The following ESR1 variants were observed in gnomAD, a reference collection of about 807,000 sequenced individuals.
ESR1 encodes the protein estrogen receptor 1, also known as estrogen receptor.
In ESR1, 12 loss-of-function variants were observed where a neutral mutation model predicts 52.7. The ratio of observed to expected loss-of-function variants is 0.23; its 90% CI spans 0.15 to 0.37. The LOEUF is 0.37. Among genes scored for constraint, ESR1 ranks in the 10% least tolerant of loss-of-function variants. The pLI is 1.00. For missense variants in ESR1, 584 were observed against 779.7 expected, an observed-to-expected ratio of 0.75 and a Z score of 2.99; for synonymous variants, 305 against 316.8, an observed-to-expected ratio of 0.96 and a Z score of 0.39.
chr6:152,081,470 A>G (rs1381241199), intron 6 of ESR1, among the ~76,000 whole-genome samples: 1 of 152,072 alleles, frequency 6.6e-6, no homozygotes, highest in Non-Finnish European at 1.5e-5. Flanking sequence ...GGACACATTT[A>G]AAGCAGTGTG....
In ESR1 at chr6:152,094,591, A is replaced by G. The variant is rs1331661758; in HGVS notation, c.1553+23A>G. ...GAGGTGAGGCATCTGTGGGCTTCCT[A>G]CAGGAGAGACATAAAGAAAACATGC... On this transcript the variant is annotated intron_variant, in intron 7 of 7. Coordinates refer to ENST00000206249, the MANE Select transcript of ESR1 (RefSeq NM_000125.4). The surrounding 1 kb of genome is among the most constrained non-coding windows in gnomAD (Gnocchi z 4.6). 1.2e-6 allele frequency: 2 copies of G among 1,609,996 alleles called. No homozygotes were observed. The highest frequency in any genetic ancestry group is 1.7e-5 in the Admixed American group (1 of 59,920).
chr6:151,827,617 C>T (rs1781727837), intron 1 of ESR1, among the ~76,000 whole-genome samples: 1 of 152,170 alleles, frequency 6.6e-6, no homozygotes, highest in Non-Finnish European at 1.5e-5. Flanking sequence ...TTTCCGTCTA[C>T]ACTTCCAAAG....
chr6:151,946,202 A>G (rs528013620), intron 4 of ESR1, among the ~76,000 whole-genome samples: 3 of 152,356 alleles, frequency 2.0e-5, no homozygotes, highest in Non-Finnish European at 2.9e-5. Flanking sequence ...TAATGGTCAT[A>G]TATTTGAGAG....
At chr6:151,721,698 A>C (rs1421460195) in intron 2 of ESR1, among the ~76,000 whole-genome samples, 2 of 152,228 alleles carry the variant, frequency 1.3e-5, no homozygotes, top group Non-Finnish European at 2.9e-5. Context: ...TGGGAGAATA[A>C]GATACTGTAT....
At position 152,100,243 on chromosome 6, in the gene ESR1, G is replaced by C. The variant is rs1220419598; in HGVS notation, c.*1277G>C. The C allele has an allele frequency of 2.5e-6, 1 of 395,496 alleles. No individual in the cohort carries two copies. Among genetic ancestry groups the C allele is most frequent in the Non-Finnish European group, 4.5e-6 (1 of 224,678 alleles). The allele number at this position is 395,496 out of a possible 1,614,324, so 24.5% of individuals were successfully genotyped here. A position where few individuals can be genotyped will look rare whatever the true frequency, so the allele number is the denominator to read the frequency against. On this transcript the variant is annotated 3_prime_UTR_variant, in exon 8 of 8. Coordinates refer to ENST00000206249, the MANE Select transcript of ESR1 (RefSeq NM_000125.4). ...GCAGCTGTCACAGCTGCTGTAGACA[G>C]CTGTGTTCCTACAATTGGCCCAGCA...
intron 6 of ESR1, among the ~76,000 whole-genome samples, chr6:152,086,267 T>C (rs1469833250): frequency 1.3e-5 from 2 of 151,986 alleles, no homozygotes; most frequent in Non-Finnish European, 2.9e-5. Context: ...CAGATACAAG[T>C]AATGAAAAGA....
chr6:151,985,435 G>A (rs758860510), intron 4 of ESR1, among the ~76,000 whole-genome samples: 10 of 136,230 alleles, frequency 7.3e-5, no homozygotes, highest in Non-Finnish European at 1.4e-4. Flanking sequence ...TTGAACCCAG[G>A]AGATGAAGAC....
At chr6:151,696,944 G>A (rs1351338225) in intron 1 of ESR1, among the ~76,000 whole-genome samples, 1 of 152,142 alleles carries the variant, frequency 6.6e-6, no homozygotes, top group Non-Finnish European at 1.5e-5. Context: ...AGGAAAAGGA[G>A]GTGCATAATG....
intron 6 of ESR1, among the ~76,000 whole-genome samples, chr6:152,062,887 A>T (rs1295470298): frequency 1.3e-5 from 2 of 152,162 alleles, no homozygotes; most frequent in African/African-American, 2.4e-5. Context: ...TTTCCTCCAG[A>T]TCCATATAGA....
At chr6:151,794,493 A>T (rs762394902) in intron 2 of ESR1, among the ~76,000 whole-genome samples, 1 of 152,062 alleles carries the variant, frequency 6.6e-6, no homozygotes, top group South Asian at 2.1e-4. Context: ...TTACTTCCAA[A>T]TTTTTTTTAT....
chr6:152,049,782 A>G (rs570967361), intron 5 of ESR1, among the ~76,000 whole-genome samples: 1 of 152,274 alleles, frequency 6.6e-6, no homozygotes, highest in South Asian at 2.1e-4. Context: ...TCATCCTACG[A>G]GGGGTTGGAA....
intron 2 of ESR1, among the ~76,000 whole-genome samples, chr6:151,780,108 C>G (rs1347989293): frequency 6.8e-6 from 1 of 147,804 alleles, no homozygotes; most frequent in Non-Finnish European, 1.5e-5. Flanking sequence ...GGGTGAGTTC[C>G]ACAAGTTCCA....
intron 5 of ESR1, among the ~76,000 whole-genome samples, chr6:152,049,603 G>C (rs759116666): frequency 6.6e-6 from 1 of 152,154 alleles, no homozygotes; most frequent in Non-Finnish European, 1.5e-5. Flanking sequence ...GTGAGTAAAG[G>C]GTGTGTCAGT....
intron 5 of ESR1, among the ~76,000 whole-genome samples, chr6:152,040,870 A>G (rs1291345961): frequency 1.3e-5 from 2 of 152,166 alleles, no homozygotes; most frequent in South Asian, 2.1e-4. Flanking sequence ...GACCATGGGC[A>G]TTTGAGCTAC....
downstream of ESR1, among the ~76,000 whole-genome samples, chr6:152,107,392 T>G (rs1051720329): frequency 2.8e-4 from 42 of 152,340 alleles, no homozygotes; most frequent in African/African-American, 9.6e-4. Context: ...GAGGTTGAGC[T>G]CTTCTAGTGA....
intron 5 of ESR1, among the ~76,000 whole-genome samples, chr6:152,048,108 C>A (rs550324294): frequency 1.3e-5 from 2 of 151,934 alleles, no homozygotes; most frequent in East Asian, 1.9e-4. Flanking sequence ...CGGTGGCTCA[C>A]GCCTGTAATC....
chr6:152,085,268 A>T (rs1344917090), intron 6 of ESR1, among the ~76,000 whole-genome samples: 1 of 151,994 alleles, frequency 6.6e-6, no homozygotes, highest in African/African-American at 2.4e-5. Flanking sequence ...ACACCACTGT[A>T]CTCCACCCTG....
At chr6:152,122,633 G>A (rs1388872329) in intron 6 of ESR1, 2 of 1,614,126 alleles carry the variant, frequency 1.2e-6, no homozygotes, top group African/African-American at 2.7e-5. Context: ...GACCGACCTG[G>A]CCCTGGCTCA....
Position 152,011,741 on chromosome 6 carries a change from C to T in ESR1, c.1182C>T (p.Arg394=), listed in dbSNP as rs2128778926. 6.2e-7 allele frequency: 1 copy of T among 1,613,328 alleles called. No individual in the cohort carries two copies. The highest frequency in any genetic ancestry group is 8.5e-7 in the Non-Finnish European group (1 of 1,179,582). The change falls in exon 5 of 8, where the codon CGC becomes CGT. Residue 394 remains arginine (R), a synonymous_variant. Coordinates refer to ENST00000206249, the MANE Select transcript of ESR1 (RefSeq NM_000125.4). The stretch of plus-strand genomic sequence containing the variant: ...TCCTGATGATTGGTCTCGTCTGGCG[C>T]TCCATGGAGCACCCAGGGAAGCTAC... The part of the protein sequence containing the change: ...LEILMIGLVW[R]SMEHPGKLLF...
Sources: gnomAD v4.1 joint callset for allele counts (sites outside exome capture counted in the v4.1 genomes callset) on GRCh38, gnomAD v4.1.1 for gene constraint, Gnocchi (gnomAD v3.1) non-coding constraint, MANE v1.5 for transcripts, NCBI Gene and HGNC (gene_info 2026-07-23, HGNC 2026-07-21) for gene names.